Variants in EEF1D observed in about 807,000 individuals in gnomAD.
The protein encoded by EEF1D is elongation factor 1-delta.
A neutral mutation model predicts 63.9 loss-of-function variants in EEF1D; 47 were observed. The ratio of observed to expected loss-of-function variants is 0.74; its 90% CI spans 0.58 to 0.94. The LOEUF (loss-of-function observed/expected upper bound fraction) is 0.94. Among genes scored for constraint, EEF1D ranks in the 40% least tolerant of loss-of-function variants. The pLI, the probability that EEF1D is intolerant of heterozygous loss-of-function variation, is 0.00. For synonymous variants in EEF1D, 412 were observed against 386.1 expected, an observed-to-expected ratio of 1.07 and a Z score of -0.79; for missense variants, 907 against 899.0, an observed-to-expected ratio of 1.01 and a Z score of -0.11.
chr8:143,581,547 C>T (rs2130808410), intron 5 of EEF1D: 2 of 584,302 alleles, frequency 3.4e-6, no homozygotes, highest in East Asian at 5.7e-5. Flanking sequence ...ACAGGAGGCT[C>T]TTGGTGCCCC....
Position 143,580,079 on chromosome 8 carries a change from C to T in EEF1D, c.1838G>A (p.Cys613Tyr). 6.2e-7 allele frequency: 1 copy of T among 1,614,074 alleles called. No homozygotes were observed. Among genetic ancestry groups the T allele is most frequent in the Non-Finnish European group, 8.5e-7 (1 of 1,180,028 alleles). The change falls in exon 9 of 10, where the codon TGT becomes TAT. Residue 613 changes from cysteine (C) to tyrosine (Y), a missense_variant. Physicochemically the swap from Cys to Tyr is radical, Grantham distance 194. Coordinates refer to ENST00000618139, the MANE Select transcript of EEF1D (RefSeq NM_001130053.5). ...GYGIRKLQIQ[C>Y]VVEDDKVGTD... ...CCCCACCTTGTCGTCCTCCACCACACACTGAATCTGTAGCTTCCGGATACC... is the reference window on the plus strand; with the variant it reads ...CCCCACCTTGTCGTCCTCCACCACATACTGAATCTGTAGCTTCCGGATACC...
rs375729821 is a variant in EEF1D, at chr8:143,589,905, G to A, written c.177C>T (p.Asp59=). ...MNGPGQDDPE[D]ADEAEAPDGG... is the part of the protein sequence containing the mutation. ...CGTCAGGGGCTTCCGCCTCATCAGC[G>A]TCCTCAGGGTCGTCCTGGCCGGGCC... The change falls in exon 3 of 10, where the codon GAC becomes GAT. Residue 59 remains aspartate (D), a synonymous_variant. Coordinates refer to ENST00000618139, the MANE Select transcript of EEF1D (RefSeq NM_001130053.5). 1,234 of 1,596,734 alleles carry A rather than the reference G, an allele frequency of 7.7e-4. 2 individuals are homozygous for A. Among genetic ancestry groups the A allele is most frequent in the Non-Finnish European group, 9.8e-4 (1,147 of 1,175,052 alleles).
chr8:143,587,885 C>A (rs977116382), intron 3 of EEF1D, among the ~76,000 whole-genome samples: 1 of 152,204 alleles, frequency 6.6e-6, no homozygotes, highest in Non-Finnish European at 1.5e-5. Flanking sequence ...TGCCGCCCCC[C>A]ACCCTGGACT....
intron 1 of EEF1D, among the ~76,000 whole-genome samples, chr8:143,595,815 C>A (rs1413593406): frequency 6.6e-6 from 1 of 152,234 alleles, no homozygotes; most frequent in Non-Finnish European, 1.5e-5. Flanking sequence ...TTTCTGGAAC[C>A]CCAGACAATA....
At chr8:143,593,824 G>C (rs371638596) in intron 1 of EEF1D, 19 of 982,968 alleles carry the variant, frequency 1.9e-5, no homozygotes, top group African/African-American at 3.5e-5. Flanking sequence ...CCACACGTCC[G>C]AGCCCACCTC....
chr8:143,580,392 C>T (rs916366151), intron 8 of EEF1D, 114 bp downstream of exon 8: 7 of 1,353,016 alleles, frequency 5.2e-6, no homozygotes, highest in African/African-American at 1.4e-5. Context: ...CTTCTAAACT[C>T]GGCTTTAAAG....
chr8:143,589,519 G>A lies in EEF1D; in HGVS notation c.563C>T (p.Pro188Leu), dbSNP rs138259793. 1.3e-6 allele frequency: 2 copies of A among 1,510,688 alleles called. No homozygotes were observed. The highest frequency in any genetic ancestry group is 8.9e-7 in the Non-Finnish European group (1 of 1,129,046). 93.6% of individuals were successfully genotyped at this position (1,510,688 alleles called of 1,614,324 possible). Residue 188 changes from proline to leucine, a missense_variant, in exon 3 of 10, where the codon CCC becomes CTC. Pro to Leu is a moderately conservative substitution (Grantham distance 98). Coordinates refer to ENST00000618139, the MANE Select transcript of EEF1D (RefSeq NM_001130053.5). ...VEWSQALLLA[P>L]DGSRRQGTPN... ...AGTCCCCTGCCTGCGGCTGCCGTCG[G>A]GGGCCAGCAACAGGGCCTGAGACCA... is the stretch of plus-strand genomic sequence containing the variant.
In EEF1D at chr8:143,581,311, G is replaced by A. The variant is rs754824124; in HGVS notation, c.1305C>T (p.Ala435=). 6 of 1,611,570 alleles carry A rather than the reference G, an allele frequency of 3.7e-6. No individual in the cohort carries two copies. Among genetic ancestry groups the A allele is most frequent in the Non-Finnish European group, 5.1e-6 (6 of 1,179,928 alleles). Residue 435 remains alanine (A), a synonymous_variant, in exon 6 of 10, where the codon GCC becomes GCT. Coordinates refer to ENST00000618139, the MANE Select transcript of EEF1D (RefSeq NM_001130053.5). ...KSLAGSSGPG[A]SSGTSGDHGE... Reference sequence around the variant, plus strand: ...CGTGGTCTCCGCTGGTGCCGCTGGAGGCCCCGGGGCCTGAGCTCTGCAAGG... The same window carrying A: ...CGTGGTCTCCGCTGGTGCCGCTGGAAGCCCCGGGGCCTGAGCTCTGCAAGG...
chr8:143,586,281 C>A lies in EEF1D; in HGVS notation c.1225G>T (p.Ala409Ser), dbSNP rs1024830984. The A allele has an allele frequency of 1.2e-6, 2 of 1,604,578 alleles. No homozygotes were observed. The highest frequency in any genetic ancestry group is 1.7e-6 in the Non-Finnish European group (2 of 1,176,302). ...GCAATGTCACGGAGGATCACGCTGG[C>A]GCCGTTCTCCTGCAGACAGTGCAGA... ...VAGASRQENG[A>S]SVILRDIARA... Residue 409 changes from alanine to serine, a missense_variant, in exon 5 of 10, where the codon GCC becomes TCC. Physicochemically the swap from Ala to Ser is moderately conservative, Grantham distance 99. Coordinates refer to ENST00000618139, the MANE Select transcript of EEF1D (RefSeq NM_001130053.5).
chr8:143,580,296 G>C, intron 8 of EEF1D, 90 bp from the exon 9 acceptor site: 4 of 1,383,984 alleles, frequency 2.9e-6, no homozygotes, highest in Non-Finnish European at 3.9e-6. Flanking sequence ...ACCACTGTGT[G>C]TCCACAATTC....
chr8:143,593,960 C>G, intron 1 of EEF1D: 1 of 980,572 alleles, frequency 1.0e-6, no homozygotes, highest in East Asian at 1.1e-4. Flanking sequence ...GTGCAAGCCT[C>G]TCCTCTCCAG....
At chr8:143,596,343 G>A (rs1270106600) in intron 1 of EEF1D, 1 of 152,272 alleles carries the variant, frequency 6.6e-6, no homozygotes, top group Non-Finnish European at 1.5e-5. Context: ...GAAGGCGAAG[G>A]TGAGCGTCTA....
At chr8:143,580,259 G>T (rs371115899) in intron 8 of EEF1D, 53 bp from the exon 9 acceptor site, 12 of 1,568,678 alleles carry the variant, frequency 7.6e-6, no homozygotes, top group African/African-American at 6.8e-5. Flanking sequence ...GAACACCCAG[G>T]AAGTACCTGC....
At chr8:143,580,271 T>C (rs570952577) in intron 8 of EEF1D, 65 bp from the exon 9 acceptor site, 2 of 1,518,592 alleles carry the variant, frequency 1.3e-6, no homozygotes, top group Admixed American at 1.9e-5. Context: ...AGTACCTGCA[T>C]GCACCCTACC....
chr8:143,586,029 C>T (rs1201643309), intron 5 of EEF1D, 190 bp downstream of exon 5: 4 of 512,816 alleles, frequency 7.8e-6, no homozygotes, highest in Non-Finnish European at 1.4e-5. Context: ...GGAAGGGACG[C>T]GAGAATAAGA....
At chr8:143,590,335 C>A in intron 2 of EEF1D, 1 of 646,772 alleles carries the variant, frequency 1.5e-6, no homozygotes, top group South Asian at 1.9e-5. Flanking sequence ...TCTCAGTACT[C>A]TGGGAGGCCA....
chr8:143,586,728 C>CCTGG lies in EEF1D; in HGVS notation c.1212_1215dup (p.Glu406ProfsTer11). On this transcript the variant is annotated frameshift_variant and splice_region_variant. Transcript: ENST00000618139. LOFTEE classifies it high-confidence loss of function. ...CCAGCCGCCCCACGTGCAGCTCTCA[C>CCTGG]CTGGCGGGAGGCACCTGCCACAGGC... is the stretch of plus-strand genomic sequence containing the variant. 6.2e-7 allele frequency: 1 copy of CCTGG among 1,613,084 alleles called. No individual in the cohort carries two copies. The highest frequency in any genetic ancestry group is 8.5e-7 in the Non-Finnish European group (1 of 1,179,966).
chr8:143,586,312 C>G, intron 4 of EEF1D, 22 bp from the exon 5 acceptor site: 1 of 1,521,722 alleles, frequency 6.6e-7, no homozygotes, highest in Non-Finnish European at 8.8e-7. Context: ...GCAGAAAGAA[C>G]CAGTCTTTTT....
rs562129051 is a variant in EEF1D at position 143,581,015 on chromosome 8, G to A, written c.1488+39C>T. 1.9e-5 allele frequency: 31 copies of A among 1,592,888 alleles called. No homozygotes were observed. In the Admixed American group the frequency reaches 2.0e-4, roughly 10 times the overall value. On this transcript the variant is annotated intron_variant, in intron 7 of 9. Coordinates refer to ENST00000618139, the MANE Select transcript of EEF1D (RefSeq NM_001130053.5). ...GCGACGTGGAAGCCAGCAGGGCCAC[G>A]TGGTCCCCTGCAGTGTCAGGCGTGG...
Sources: allele counts gnomAD v4.1 joint callset (sites outside exome capture counted in the v4.1 genomes callset), GRCh38; gene constraint gnomAD v4.1.1; transcripts MANE v1.5; gene names NCBI Gene and HGNC (gene_info 2026-07-23, HGNC 2026-07-21).